CAST: variants seen among roughly 807,000 people sequenced by gnomAD.
The protein encoded by CAST is calpastatin, also known as MIR583 host.
In CAST, 76 loss-of-function variants were observed where a neutral mutation model predicts 119.6. The observed-to-expected ratio is 0.64, with a 90% CI of 0.53 to 0.77. The LOEUF (loss-of-function observed/expected upper bound fraction) is 0.77, where lower values mean the gene tolerates loss of function less well. CAST is among the 30% of genes least tolerant of loss of function. The probability of loss-of-function intolerance (pLI) is 0.00; values close to 1 mark genes in which losing one functional copy is unlikely to be tolerated. For synonymous variants in CAST, 319 were observed against 331.6 expected, an observed-to-expected ratio of 0.96 and a Z score of 0.41; for missense variants, 953 against 946.5, an observed-to-expected ratio of 1.01 and a Z score of -0.09.
chr5:96,704,248 A>G (rs1405025699), intron 3 of CAST, among the ~76,000 whole-genome samples: 1 of 152,254 alleles, frequency 6.6e-6, no homozygotes, highest in East Asian at 1.9e-4. Flanking sequence ...GGTTCAGTTC[A>G]GATGCTTTGA....
At chr5:96,270,173 A>G in the CAST span, among the ~76,000 whole-genome samples, 2 of 152,192 alleles carry the variant, frequency 1.3e-5, no homozygotes, top group Admixed American at 6.5e-5. Flanking sequence ...CAAAAAAAGC[A>G]TTTGATAAAT....
the CAST span, chr5:96,393,305 C>G: frequency 1.2e-6 from 2 of 1,614,048 alleles, no homozygotes; most frequent in South Asian, 2.2e-5. Context: ...ATCCCTCCGG[C>G]CCCCTACGCT....
chr5:96,276,459 A>G, the CAST span, among the ~76,000 whole-genome samples: 5 of 152,298 alleles, frequency 3.3e-5, no homozygotes, highest in East Asian at 9.6e-4. Flanking sequence ...ACACTGAAGC[A>G]GGCTGGGGCA....
intron 1 of CAST, among the ~76,000 whole-genome samples, chr5:96,581,681 G>C (rs1179354170): frequency 6.6e-6 from 1 of 152,258 alleles, no homozygotes; most frequent in South Asian, 2.1e-4. Context: ...ACAAGGTCAG[G>C]AGATCGAGAC....
At chr5:96,289,903 T>C in the CAST span, among the ~76,000 whole-genome samples, 1 of 149,738 alleles carries the variant, frequency 6.7e-6, no homozygotes, top group Non-Finnish European at 1.5e-5. Context: ...AAGACTACTA[T>C]ATAATTTTGT....
chr5:96,480,231 C>T, the CAST span, among the ~76,000 whole-genome samples: 1 of 151,926 alleles, frequency 6.6e-6, no homozygotes, highest in South Asian at 2.1e-4. Flanking sequence ...GAGGTTCAGG[C>T]AGGGAAATTT....
the CAST span, among the ~76,000 whole-genome samples, chr5:95,999,682 T>G: frequency 6.6e-6 from 1 of 152,214 alleles, no homozygotes; most frequent in African/African-American, 2.4e-5. Flanking sequence ...GTTTCCAATT[T>G]GGGGTTATTA....
At chr5:96,122,290 C>G in the CAST span, among the ~76,000 whole-genome samples, 2 of 152,138 alleles carry the variant, frequency 1.3e-5, no homozygotes, top group African/African-American at 4.8e-5. Context: ...TTGCTGTACA[C>G]TTGAGAGAAT....
the CAST span, among the ~76,000 whole-genome samples, chr5:96,424,211 A>G: frequency 2.0e-5 from 3 of 152,156 alleles, no homozygotes; most frequent in Admixed American, 6.5e-5. Flanking sequence ...AATAACCACA[A>G]TCAAAAGTGT....
the CAST span, among the ~76,000 whole-genome samples, chr5:96,292,909 C>A: frequency 1.3e-5 from 2 of 152,182 alleles, no homozygotes; most frequent in Non-Finnish European, 2.9e-5. Flanking sequence ...ATTAAGCCAG[C>A]TGGAGTTTGG....
chr5:96,059,769 T>C, the CAST span, among the ~76,000 whole-genome samples: 1 of 152,148 alleles, frequency 6.6e-6, no homozygotes, highest in Non-Finnish European at 1.5e-5. Flanking sequence ...ACATTGGTTC[T>C]TGGCCTGTGG....
intron 3 of CAST, among the ~76,000 whole-genome samples, chr5:96,707,065 A>T (rs1755127335): frequency 6.6e-6 from 1 of 152,224 alleles, no homozygotes; most frequent in South Asian, 2.1e-4. Context: ...AACAATCAGA[A>T]TAACCTGCCC....
In CAST at chr5:96,662,410, C is replaced by A; in HGVS notation, c.-13C>A. 2 of 1,437,118 alleles carry A rather than the reference C, an allele frequency of 1.4e-6. No homozygotes were observed. The highest frequency in any genetic ancestry group is 9.1e-7 in the Non-Finnish European group (1 of 1,100,906). 89.0% of individuals were successfully genotyped at this position (1,437,118 alleles called of 1,614,324 possible). ...GGCGCATTCCGGGAGGCAGCGGCCGCAGCGGCCTCGCCATGTCCCAGCCCG... is the reference window on the plus strand; with the variant it reads ...GGCGCATTCCGGGAGGCAGCGGCCGAAGCGGCCTCGCCATGTCCCAGCCCG... On this transcript the variant is annotated 5_prime_UTR_variant, in exon 1 of 32. Transcript: ENST00000675179.
chr5:96,470,447 A>G, the CAST span, among the ~76,000 whole-genome samples: 1 of 152,148 alleles, frequency 6.6e-6, no homozygotes, highest in East Asian at 1.9e-4. Context: ...TAGAATGGAG[A>G]GGAAACAAGA....
At chr5:96,725,434 T>C (rs1008610663) in intron 4 of CAST, among the ~76,000 whole-genome samples, 1 of 152,186 alleles carries the variant, frequency 6.6e-6, no homozygotes, top group African/African-American at 2.4e-5. Context: ...ACACACAACC[T>C]CAGGTCCACC....
In CAST at chr5:96,772,648, A is replaced by C. The variant is rs1048684500; in HGVS notation, c.*32A>C. On this transcript the variant is annotated 3_prime_UTR_variant, in exon 32 of 32. Transcript: ENST00000675179. ...TATTTGAAATTTTTAAGGTATCTGCATGTAAAATCTTCAGCTGGTGGATGG... is the reference window on the plus strand; with the variant it reads ...TATTTGAAATTTTTAAGGTATCTGCCTGTAAAATCTTCAGCTGGTGGATGG... 2 of 152,734 alleles carry C rather than the reference A, an allele frequency of 1.3e-5. No individual in the cohort carries two copies. The highest frequency in any genetic ancestry group is 4.8e-5 in the African/African-American group (2 of 41,458). The allele number at this position is 152,734 out of a possible 1,614,324, so 9.5% of individuals were successfully genotyped here.
the CAST span, among the ~76,000 whole-genome samples, chr5:96,416,859 A>G: frequency 6.6e-6 from 1 of 152,218 alleles, no homozygotes; most frequent in South Asian, 2.1e-4. Context: ...CGTCTTCCAA[A>G]CACCAAATTC....
the CAST span, among the ~76,000 whole-genome samples, chr5:96,498,863 G>T: frequency 2.0e-5 from 3 of 152,068 alleles, no homozygotes; most frequent in African/African-American, 7.2e-5. Context: ...TGGACATGGG[G>T]CTACAAAGGA....
the CAST span, among the ~76,000 whole-genome samples, chr5:96,493,421 A>G: frequency 6.6e-6 from 1 of 152,154 alleles, no homozygotes; most frequent in African/African-American, 2.4e-5. Context: ...CTTCACAGAG[A>G]GAGAATAAGG....
Sources: allele counts gnomAD v4.1 joint callset (sites outside exome capture counted in the v4.1 genomes callset), GRCh38; gene constraint gnomAD v4.1.1; transcripts MANE v1.5; gene names NCBI Gene and HGNC (gene_info 2026-07-23, HGNC 2026-07-21).